ANKRD12: variants seen among roughly 807,000 people sequenced by gnomAD.
The protein encoded by ANKRD12 is ankyrin repeat domain 12.
A neutral mutation model predicts 183.4 loss-of-function variants in ANKRD12; 85 were observed. The observed-to-expected ratio is 0.46, with a 90% CI of 0.39 to 0.56. The LOEUF (loss-of-function observed/expected upper bound fraction) is 0.56. Among genes scored for constraint, ANKRD12 ranks in the 20% least tolerant of loss-of-function variants. ANKRD12 has a pLI of 0.00. For missense variants in ANKRD12, 2,405 were observed against 2,357.1 expected (o/e 1.02, Z -0.42); for synonymous variants, 914 against 800.2 (o/e 1.14, Z -2.40).
Position 9,285,501 on chromosome 18 carries a change from G to GCA in ANKRD12, c.*4377_*4378dup, listed in dbSNP as rs2040201177. 1 of 150,654 alleles carries GCA rather than the reference G, an allele frequency of 6.6e-6. No homozygotes were observed. The highest frequency in any genetic ancestry group is 2.4e-5 in the African/African-American group (1 of 40,954). 9.3% of individuals were successfully genotyped at this position (150,654 alleles called of 1,614,324 possible). A position where few individuals can be genotyped will look rare whatever the true frequency, so the allele number is the denominator to read the frequency against. ...TACAAGTTTAAAAGGCACCACCTAT[G>GCA]CACTCATCACTCAAGAGAATATCAA... On this transcript the variant is annotated 3_prime_UTR_variant, in exon 13 of 13. Transcript: ENST00000262126.
At chr18:9,249,796 A>G (rs907129543) in intron 8 of ANKRD12, 2 of 152,232 alleles carry the variant, frequency 1.3e-5, no homozygotes, top group Non-Finnish European at 1.5e-5. Context: ...AATCTGAAAT[A>G]TCTCCTAAAA....
At chr18:9,141,907 TA>T (rs2078329137) in intron 1 of ANKRD12, among the ~76,000 whole-genome samples, 1 of 152,186 alleles carries the variant, frequency 6.6e-6, no homozygotes, top group Non-Finnish European at 1.5e-5. Context: ...GTTAACCTTT[TA>T]AAATAAATAG....
intron 2 of ANKRD12, among the ~76,000 whole-genome samples, chr18:9,185,412 G>T (rs1057425584): frequency 1.3e-5 from 2 of 152,150 alleles, no homozygotes; most frequent in African/African-American, 4.8e-5. Context: ...AAATAGTCTG[G>T]GTCCATTCTG....
At position 9,284,918 on chromosome 18, in the gene ANKRD12, T is replaced by C. The variant is rs1304057784; in HGVS notation, c.*3792T>C. ...TGGACAGCGTCCTCATAAAAGAAAA[T>C]AGGCCAGGCCAGGCGCAGTGGCTCG... On this transcript the variant is annotated 3_prime_UTR_variant, in exon 13 of 13. Transcript: ENST00000262126. 6.6e-6 allele frequency: 1 copy of C among 152,016 alleles called. No individual in the cohort carries two copies. Among genetic ancestry groups the C allele is most frequent in the African/African-American group, 2.4e-5 (1 of 41,394 alleles). The allele number at this position is 152,016 out of a possible 1,614,324, so 9.4% of individuals were successfully genotyped here. A position where few individuals can be genotyped will look rare whatever the true frequency, so the allele number is the denominator to read the frequency against.
Position 9,256,010 on chromosome 18 carries a change from A to C in ANKRD12, c.2743A>C (p.Lys915Gln). The C allele has an allele frequency of 1.3e-6, 2 of 1,560,772 alleles. No homozygotes were observed. Among genetic ancestry groups the C allele is most frequent in the South Asian group, 2.5e-5 (2 of 81,456 alleles). ...EKMDRKHDKE[K>Q]PEKERHLAES... ...GATGGATAGGAAACATGACAAAGAA[A>C]AGCCTGAAAAAGAGAGGCATCTAGC... The change falls in exon 9 of 13, where the codon AAG becomes CAG. Residue 915 changes from lysine (K) to glutamine (Q), a missense_variant. Physicochemically the swap from Lys to Gln is moderately conservative, Grantham distance 53. Transcript: ENST00000262126.
At chr18:9,167,929 G>T (rs377357653) in intron 1 of ANKRD12, among the ~76,000 whole-genome samples, 2 of 149,006 alleles carry the variant, frequency 1.3e-5, no homozygotes, top group African/African-American at 2.6e-5. Context: ...TAGCATGAAG[G>T]GTTGTTGAAT....
chr18:9,224,455 C>T (rs2036598023), intron 8 of ANKRD12, among the ~76,000 whole-genome samples: 1 of 151,666 alleles, frequency 6.6e-6, no homozygotes, highest in Admixed American at 6.6e-5. Flanking sequence ...GAAGGGAAGA[C>T]TATAACTAGA....
intron 11 of ANKRD12, among the ~76,000 whole-genome samples, chr18:9,277,087 G>T (rs1033816059): frequency 1.3e-5 from 2 of 152,174 alleles, no homozygotes; most frequent in African/African-American, 4.8e-5. Context: ...TTCTAGCTCA[G>T]AATGGTTGAG....
intron 8 of ANKRD12, among the ~76,000 whole-genome samples, chr18:9,246,662 G>C (rs575225360): frequency 6.6e-6 from 1 of 152,118 alleles, no homozygotes; most frequent in African/African-American, 2.4e-5. Context: ...TAAAATTGAC[G>C]TATGTGCTTT....
chr18:9,180,473 T>C (rs899231208), intron 1 of ANKRD12, among the ~76,000 whole-genome samples: 1 of 152,164 alleles, frequency 6.6e-6, no homozygotes, highest in Non-Finnish European at 1.5e-5. Context: ...GTCTATATCA[T>C]TTTATAATTT....
chr18:9,231,191 G>A (rs537246795), intron 8 of ANKRD12, among the ~76,000 whole-genome samples: 234 of 152,270 alleles, frequency 1.5e-3, no homozygotes, highest in Non-Finnish European at 2.5e-3. Context: ...TCAGTCACAT[G>A]TTCCATGTGC....
chr18:9,285,092 C>CT lies in ANKRD12; in HGVS notation c.*3966_*3967insT, dbSNP rs1354327882. Reference sequence around the variant, plus strand: ...GGTGTGGCCGCGGGCGCCTGTAGTTCCAGCTACTCGGGAGGCTGAGGCAGG... The same window carrying CT: ...GGTGTGGCCGCGGGCGCCTGTAGTTCTCAGCTACTCGGGAGGCTGAGGCAGG... On this transcript the variant is annotated 3_prime_UTR_variant, in exon 13 of 13. Coordinates refer to ENST00000262126, the MANE Select transcript of ANKRD12 (RefSeq NM_015208.5). 1 of 152,242 alleles carries CT rather than the reference C, an allele frequency of 6.6e-6. No individual in the cohort carries two copies. The highest frequency in any genetic ancestry group is 1.5e-5 in the Non-Finnish European group (1 of 68,202). 9.4% of individuals were successfully genotyped at this position (152,242 alleles called of 1,614,324 possible). A position where few individuals can be genotyped will look rare whatever the true frequency, so the allele number is the denominator to read the frequency against.
At chr18:9,157,585 G>GTGTGTGTGTGTGTGTGTGTGTGTA (rs1472659778) in intron 1 of ANKRD12, among the ~76,000 whole-genome samples, 1 of 92,706 alleles carries the variant, frequency 1.1e-5, no homozygotes, top group African/African-American at 5.3e-5. Flanking sequence ...GTGTGTGTGT[G>GTGTGTGTGTGTGTGTGTGTGTGTA]TATATATATA....
chr18:9,269,879 A>AG (rs1466262501), intron 10 of ANKRD12, among the ~76,000 whole-genome samples: 1 of 152,256 alleles, frequency 6.6e-6, no homozygotes, highest in Admixed American at 6.5e-5. Context: ...TATCTAACAA[A>AG]GGGCTAATAC....
intron 1 of ANKRD12, among the ~76,000 whole-genome samples, chr18:9,180,078 T>C (rs576248594): frequency 2.6e-5 from 4 of 152,280 alleles, no homozygotes; most frequent in Middle Eastern, 3.4e-3. Context: ...GCTGTAGTTA[T>C]GAATTTATCT....
At chr18:9,157,550 GGTGTGTGTGT>G (rs71168037) in intron 1 of ANKRD12, among the ~76,000 whole-genome samples, 4 of 114,592 alleles carry the variant, frequency 3.5e-5, no homozygotes, top group Non-Finnish European at 6.6e-5. Flanking sequence ...GGTGTGTGTG[GGTGTGTGTGT>G]GTGTGTGTGT....
intron 3 of ANKRD12, among the ~76,000 whole-genome samples, chr18:9,201,413 C>A (rs754028270): frequency 1.1e-3 from 169 of 152,204 alleles, no homozygotes; most frequent in Admixed American, 2.8e-3. Flanking sequence ...TCTTCTTGGC[C>A]CTCAAACTTA....
chr18:9,175,370 A>G (rs1437044753), intron 1 of ANKRD12, among the ~76,000 whole-genome samples: 2 of 151,802 alleles, frequency 1.3e-5, no homozygotes, highest in African/African-American at 2.4e-5. Context: ...TCTCAGCCCT[A>G]TCTTCTAAAT....
chr18:9,160,096 C>T (rs181136342), intron 1 of ANKRD12, among the ~76,000 whole-genome samples: 73 of 152,022 alleles, frequency 4.8e-4, no homozygotes, highest in African/African-American at 1.6e-3. Flanking sequence ...ATGGTAAAAC[C>T]GTGTCTCTAC....
Sources: gnomAD v4.1 joint callset for allele counts (sites outside exome capture counted in the v4.1 genomes callset) on GRCh38, gnomAD v4.1.1 for gene constraint, MANE v1.5 for transcripts, NCBI Gene and HGNC (gene_info 2026-07-23, HGNC 2026-07-21) for gene names.